SUDS3: variants seen among roughly 807,000 people sequenced by gnomAD.
The protein encoded by SUDS3 is SIN3A corepressor complex component SDS3, also known as sin3 histone deacetylase corepressor complex component SDS3.
SUDS3 carries 23 observed loss-of-function variants against 53.5 expected under a neutral mutation model. The ratio of observed to expected loss-of-function variants is 0.43; its 90% CI spans 0.31 to 0.61. The LOEUF is 0.61. Among genes scored for constraint, SUDS3 ranks in the 20% least tolerant of loss-of-function variants. SUDS3 has a pLI of 0.10. For synonymous variants in SUDS3, 150 were observed against 148.5 expected (o/e 1.01, Z -0.08); for missense variants, 291 against 405.9 (o/e 0.72, Z 2.43).
rs1297480345 is a variant in SUDS3 at position 118,415,629 on chromosome 12, G to A, written c.*1196G>A. ...TATACTCATGTTGCCATCTTGAGAT[G>A]TTCAAAAAATTTGGGGTTAGAGCAA... On this transcript the variant is annotated 3_prime_UTR_variant, in exon 12 of 12. Transcript: ENST00000543473. 6.6e-5 allele frequency: 10 copies of A among 152,132 alleles called. No individual in the cohort carries two copies. The highest frequency in any genetic ancestry group is 2.2e-4 in the African/African-American group (9 of 41,414). The allele number at this position is 152,132 out of a possible 1,614,324, so 9.4% of individuals were successfully genotyped here. A position where few individuals can be genotyped will look rare whatever the true frequency, so the allele number is the denominator to read the frequency against.
chr12:118,400,321 G>A (rs1166076388), intron 6 of SUDS3, among the ~76,000 whole-genome samples: 1 of 152,052 alleles, frequency 6.6e-6, no homozygotes, highest in African/African-American at 2.4e-5. Context: ...TTCCTATCCC[G>A]AGAGCCTGTG....
intron 11 of SUDS3, among the ~76,000 whole-genome samples, chr12:118,412,989 T>G (rs1739097151): frequency 6.6e-6 from 1 of 152,198 alleles, no homozygotes; most frequent in Admixed American, 6.5e-5. Context: ...TAGCATAGCT[T>G]GACTCCAAGC....
chr12:118,414,505 T>G lies in SUDS3; in HGVS notation c.*72T>G, dbSNP rs1402239896. On this transcript the variant is annotated 3_prime_UTR_variant, in exon 12 of 12. Transcript: ENST00000543473. ...ATTTTTGTTTTGTTTCGTTTTCTCC[T>G]TAATAGAAAAATGTTAACTTACTGG... is the stretch of plus-strand genomic sequence containing the variant. 1.6e-6 allele frequency: 2 copies of G among 1,245,662 alleles called. No individual in the cohort carries two copies. The highest frequency in any genetic ancestry group is 2.6e-5 in the East Asian group (1 of 37,756). The allele number at this position is 1,245,662 out of a possible 1,614,324, so 77.2% of individuals were successfully genotyped here.
Position 118,411,363 on chromosome 12 carries a change from G to A in SUDS3, c.888+206G>A, listed in dbSNP as rs117781984. Reference sequence around the variant, plus strand: ...ACATTCGCTTGACTACAACATATGCGGATTTGTCTATTCCATGGGGTATTT... The same window carrying A: ...ACATTCGCTTGACTACAACATATGCAGATTTGTCTATTCCATGGGGTATTT... On this transcript the variant is annotated intron_variant, in intron 11 of 11. Coordinates refer to ENST00000543473, the MANE Select transcript of SUDS3 (RefSeq NM_022491.3). Among the ~76,000 whole-genome samples the A allele has an allele frequency of 6.0e-3, 914 of 152,228 alleles. 7 individuals carry two copies. Among genetic ancestry groups the A allele is most frequent in the Non-Finnish European group, 0.011 (749 of 68,012 alleles).
intron 1 of SUDS3, 81 bp from the exon 2 acceptor site, chr12:118,380,081 T>C: frequency 9.0e-7 from 1 of 1,112,658 alleles, no homozygotes; most frequent in Non-Finnish European, 1.3e-6. Flanking sequence ...CGGGAGTTTA[T>C]TGAGTGCATA....
chr12:118,389,157 C>T (rs1268400913), intron 4 of SUDS3, among the ~76,000 whole-genome samples: 1 of 151,866 alleles, frequency 6.6e-6, no homozygotes, highest in East Asian at 1.9e-4. Context: ...TCAAAAAAAC[C>T]AGAACCCCCC....
chr12:118,390,356 A>G (rs1307812035), intron 5 of SUDS3, among the ~76,000 whole-genome samples: 1 of 152,190 alleles, frequency 6.6e-6, no homozygotes, highest in Non-Finnish European at 1.5e-5. Flanking sequence ...CTTTCATTCC[A>G]TGGACACCTG....
intron 2 of SUDS3, among the ~76,000 whole-genome samples, 191 bp downstream of exon 2, chr12:118,380,422 G>A (rs1237686180): frequency 1.3e-5 from 2 of 152,176 alleles, no homozygotes; most frequent in Non-Finnish European, 2.9e-5. Flanking sequence ...TGCTCAGCTG[G>A]TAAGTATATT....
rs532082066 is a variant in SUDS3 at position 118,409,178 on chromosome 12, C to T, written c.804-1895C>T. 4.0e-5 allele frequency among the ~76,000 whole-genome samples: 6 copies of T among 149,854 alleles called. 1 individual carries two copies. The highest frequency in any genetic ancestry group is 3.9e-4 in the East Asian group (2 of 5,130). ...TTTTTTTTTTTTTAAGATAGAGTCTCGCTCTGTTGCTCAGGCTGGAGTGCA... is the reference window on the plus strand; with the variant it reads ...TTTTTTTTTTTTTAAGATAGAGTCTTGCTCTGTTGCTCAGGCTGGAGTGCA... On this transcript the variant is annotated intron_variant, in intron 10 of 11. Coordinates refer to ENST00000543473, the MANE Select transcript of SUDS3 (RefSeq NM_022491.3).
intron 2 of SUDS3, among the ~76,000 whole-genome samples, chr12:118,382,834 A>AT (rs56199413): frequency 0.71 from 104,498 of 147,108 alleles, 37,407 homozygotes; most frequent in African/African-American, 0.83. Flanking sequence ...CGTCTGGCTA[A>AT]TTTTTTTTTT....
intron 3 of SUDS3, 42 bp downstream of exon 3, chr12:118,384,109 T>C: frequency 6.3e-7 from 1 of 1,584,638 alleles, no homozygotes; most frequent in Non-Finnish European, 8.7e-7. Flanking sequence ...ATATGCTTCT[T>C]AATATTACAA....
At chr12:118,381,225 G>C (rs1318986526) in intron 2 of SUDS3, among the ~76,000 whole-genome samples, 1 of 151,052 alleles carries the variant, frequency 6.6e-6, no homozygotes, top group Non-Finnish European at 1.5e-5. Flanking sequence ...TTTTTTTTGA[G>C]ATGGAGTCTT....
At chr12:118,384,447 G>A (rs1443346557) in intron 3 of SUDS3, among the ~76,000 whole-genome samples, 1 of 152,150 alleles carries the variant, frequency 6.6e-6, no homozygotes, top group Non-Finnish European at 1.5e-5. Flanking sequence ...TTCACACTGT[G>A]TTTTCTCCTT....
intron 10 of SUDS3, 138 bp downstream of exon 10, chr12:118,403,655 T>C (rs1438965434): frequency 5.9e-6 from 4 of 682,848 alleles, no homozygotes; most frequent in Non-Finnish European, 1.0e-5. Flanking sequence ...CATTAAAAAA[T>C]GTATTAGCAG....
chr12:118,385,126 C>A (rs1280305481), intron 3 of SUDS3, among the ~76,000 whole-genome samples: 1 of 143,724 alleles, frequency 7.0e-6, no homozygotes, highest in Non-Finnish European at 1.5e-5. Flanking sequence ...TTTTTTTTTT[C>A]GAGGCTGAGT....
At chr12:118,389,150 A>G (rs2046142128) in intron 4 of SUDS3, among the ~76,000 whole-genome samples, 4 of 152,030 alleles carry the variant, frequency 2.6e-5, no homozygotes, top group Admixed American at 2.6e-4. Flanking sequence ...CTCTGTCTCA[A>G]AAAAACCAGA....
rs2046392503 is a variant in SUDS3 at position 118,415,504 on chromosome 12, C to T, written c.*1071C>T. On this transcript the variant is annotated 3_prime_UTR_variant, in exon 12 of 12. Transcript: ENST00000543473. ...TGCTGTGGCTGCCTCTGGACTGACA[C>T]CCTCCCTAATGAGTCCTGATGAAAC... 1 of 152,146 alleles carries T rather than the reference C, an allele frequency of 6.6e-6. No homozygotes were observed. The highest frequency in any genetic ancestry group is 6.5e-5 in the Admixed American group (1 of 15,278). 9.4% of individuals were successfully genotyped at this position (152,146 alleles called of 1,614,324 possible). A position where few individuals can be genotyped will look rare whatever the true frequency, so the allele number is the denominator to read the frequency against.
chr12:118,376,574 C>G lies in SUDS3; in HGVS notation c.-118C>G, dbSNP rs879738874. ...CTCGGCGGAGACGGGGAAGGGGTCG[C>G]CGTGGCTGCCGGTCCTCGAGTTGGG... On this transcript the variant is annotated 5_prime_UTR_variant, in exon 1 of 12. Coordinates refer to ENST00000543473, the MANE Select transcript of SUDS3 (RefSeq NM_022491.3). 8.2e-7 allele frequency: 1 copy of G among 1,218,732 alleles called. No homozygotes were observed. The highest frequency in any genetic ancestry group is 1.6e-5 in the African/African-American group (1 of 63,486). The allele number at this position is 1,218,732 out of a possible 1,614,324, so 75.5% of individuals were successfully genotyped here.
intron 10 of SUDS3, among the ~76,000 whole-genome samples, chr12:118,407,325 C>T (rs2046317057): frequency 6.6e-6 from 1 of 152,168 alleles, no homozygotes; most frequent in Non-Finnish European, 1.5e-5. Flanking sequence ...GACTGCGGTT[C>T]AGGAGGGACC....
Sources: allele counts gnomAD v4.1 joint callset (sites outside exome capture counted in the v4.1 genomes callset), GRCh38; gene constraint gnomAD v4.1.1; transcripts MANE v1.5; gene names NCBI Gene and HGNC (gene_info 2026-07-23, HGNC 2026-07-21).